The following SND1 variants were observed in gnomAD, a reference collection of about 807,000 sequenced individuals.
SND1 encodes staphylococcal nuclease and tudor domain containing 1.
Under a neutral mutation model 121.7 loss-of-function variants are expected in SND1, and 38 were observed. The observed-to-expected ratio is 0.31, with a 90% CI of 0.24 to 0.41. The LOEUF (loss-of-function observed/expected upper bound fraction) is 0.41, where lower values mean the gene tolerates loss of function less well. Among genes scored for constraint, SND1 ranks in the 10% least tolerant of loss-of-function variants. The pLI, the probability that SND1 is intolerant of heterozygous loss-of-function variation, is 1.00. For missense variants in SND1, 868 were observed against 1,184.6 expected (o/e 0.73, Z 3.92); for synonymous variants, 401 against 447.4 (o/e 0.90, Z 1.31).
At chr7:127,652,493 G>A (rs779250702) in intron 1 of SND1, 42 bp downstream of exon 1, 15 of 1,497,848 alleles carry the variant, frequency 1.0e-5, no homozygotes, top group Non-Finnish European at 1.1e-5. Context: ...GCCTGCCTTC[G>A]GGCGGGAGTC....
intron 1 of SND1, among the ~76,000 whole-genome samples, chr7:127,671,903 A>G (rs1205718315): frequency 6.6e-6 from 1 of 152,214 alleles, no homozygotes; most frequent in Non-Finnish European, 1.5e-5. Flanking sequence ...AAACAGTAGC[A>G]CTAAAATGTA....
intron 10 of SND1, among the ~76,000 whole-genome samples, chr7:127,735,602 A>G (rs1403017346): frequency 6.6e-6 from 1 of 152,154 alleles, no homozygotes; most frequent in Non-Finnish European, 1.5e-5. Context: ...TAACTTTTCT[A>G]AAGGGTGACC....
chr7:127,989,519 C>T (rs1467569019), intron 15 of SND1, among the ~76,000 whole-genome samples: 1 of 152,166 alleles, frequency 6.6e-6, no homozygotes, highest in Non-Finnish European at 1.5e-5. Context: ...ATCCTAGCAA[C>T]AGTGGGACCT....
intron 16 of SND1, chr7:127,997,460 C>T: frequency 3.0e-6 from 1 of 335,874 alleles, no homozygotes; most frequent in Non-Finnish European, 5.9e-6. Flanking sequence ...ATTTACTCTG[C>T]TCTTCCCACA....
chr7:127,994,104 A>G (rs1009599153), intron 16 of SND1, among the ~76,000 whole-genome samples: 1 of 152,054 alleles, frequency 6.6e-6, no homozygotes, highest in Non-Finnish European at 1.5e-5. Flanking sequence ...TTTCCATCTC[A>G]TATCTTCATG....
chr7:128,030,769 TAG>T (rs1422359333), intron 16 of SND1: 4 of 1,214,538 alleles, frequency 3.3e-6, no homozygotes, highest in African/African-American at 1.5e-5. Context: ...AGGGGGCGAT[TAG>T]AGAGACGGAG....
In SND1 at chr7:127,705,582, C is replaced by CAGATGT. The variant is rs869192058; in HGVS notation, c.947+688_947+693dup. On this transcript the variant is annotated intron_variant, in intron 8 of 23. Transcript: ENST00000354725. ...AACTGTCAGCGTCAAGATGTAGATGCAGATGTAGATGTAGATGTAGATGTA... is the reference window on the plus strand; with the variant it reads ...AACTGTCAGCGTCAAGATGTAGATGCAGATGTAGATGTAGATGTAGATGTAGATGTA... Among the ~76,000 whole-genome samples the CAGATGT allele has an allele frequency of 1.5e-3, 28 of 18,470 alleles. No individual in the cohort carries two copies. The East Asian group carries it at 0.044, about 29-fold the overall frequency. 12.1% of individuals were successfully genotyped at this position (18,470 alleles called of 152,430 possible).
At chr7:128,014,129 T>C (rs188497918) in intron 16 of SND1, among the ~76,000 whole-genome samples, 1 of 152,266 alleles carries the variant, frequency 6.6e-6, no homozygotes, top group East Asian at 1.9e-4. Context: ...TGGAAGTTAC[T>C]CCTCCTGAAC....
At chr7:127,922,193 T>TTTTTTG (rs1800728459) in intron 14 of SND1, among the ~76,000 whole-genome samples, 4 of 112,398 alleles carry the variant, frequency 3.6e-5, no homozygotes, top group Non-Finnish European at 7.5e-5. Context: ...TTTTTTTTTT[T>TTTTTTG]TTTTTTTTTT....
At chr7:127,814,201 G>A (rs754729823) in intron 11 of SND1, among the ~76,000 whole-genome samples, 9 of 152,184 alleles carry the variant, frequency 5.9e-5, no homozygotes, top group African/African-American at 1.4e-4. Flanking sequence ...CTGAAATGTC[G>A]TCCTTGGGGC....
At chr7:128,030,679 T>A in intron 16 of SND1, 1 of 1,523,506 alleles carries the variant, frequency 6.6e-7, no homozygotes, top group Middle Eastern at 1.8e-4. Flanking sequence ...CCTGGGATTT[T>A]GGCTCGGAAA....
chr7:127,881,597 T>G (rs1216025183), intron 12 of SND1, among the ~76,000 whole-genome samples: 1 of 152,182 alleles, frequency 6.6e-6, no homozygotes, highest in African/African-American at 2.4e-5. Flanking sequence ...CGTTGAAATA[T>G]GCATTACCTT....
At position 128,087,330 on chromosome 7, in the gene SND1, G is replaced by A. The variant is rs114077424; in HGVS notation, c.2418+279G>A. On this transcript the variant is annotated intron_variant, in intron 21 of 23. Coordinates refer to ENST00000354725, the MANE Select transcript of SND1 (RefSeq NM_014390.4). ...TTGGGCAGTGGCAGGAGGTGATCAG[G>A]CAGTGGCAGGAGGTGAGGTGGGAAA... Among the ~76,000 whole-genome samples, 605 of 152,234 alleles carry A rather than the reference G, an allele frequency of 4.0e-3. 3 individuals are homozygous for A. The highest frequency in any genetic ancestry group is 0.011 in the African/African-American group (456 of 41,520).
At chr7:128,031,044 AGAGGGGAGGGGAGGG>A (rs891308260) in intron 16 of SND1, 3 of 64,706 alleles carry the variant, frequency 4.6e-5, no homozygotes, top group African/African-American at 1.1e-4. Flanking sequence ...CGGGGAGGGC[AGAGGGGAGGGGAGGG>A]GAGGGGAGGG....
intron 11 of SND1, among the ~76,000 whole-genome samples, chr7:127,808,219 G>A (rs1798274182): frequency 6.8e-6 from 1 of 147,664 alleles, no homozygotes; most frequent in East Asian, 2.0e-4. Context: ...CTGGAGTGCA[G>A]AGGTGTGATC....
intron 10 of SND1, among the ~76,000 whole-genome samples, chr7:127,737,404 A>T (rs1796796331): frequency 6.6e-6 from 1 of 152,366 alleles, no homozygotes; most frequent in Admixed American, 6.5e-5. Context: ...GCGAAACGCC[A>T]TCTCTACTGA....
At position 128,049,793 on chromosome 7, in the gene SND1, T is replaced by A. The variant is rs1793015761; in HGVS notation, c.1780-24709T>A. 2.6e-5 allele frequency among the ~76,000 whole-genome samples: 4 copies of A among 152,088 alleles called. No individual in the cohort carries two copies. In the South Asian group the frequency reaches 8.3e-4, roughly 32 times the overall value. On this transcript the variant is annotated intron_variant, in intron 16 of 23. Coordinates refer to ENST00000354725, the MANE Select transcript of SND1 (RefSeq NM_014390.4). ...TTATGGGAAGAAATTGGCTAGAGTG[T>A]CCCAGCAACGTATGCAGGAGAGGAT...
chr7:127,860,815 T>C (rs1799363671), intron 12 of SND1, among the ~76,000 whole-genome samples: 2 of 152,282 alleles, frequency 1.3e-5, no homozygotes, highest in Middle Eastern at 3.4e-3. Flanking sequence ...AATAAATATT[T>C]GGGGTGATGA....
At chr7:127,816,594 C>T (rs902956790) in intron 11 of SND1, among the ~76,000 whole-genome samples, 2 of 151,576 alleles carry the variant, frequency 1.3e-5, no homozygotes, top group Non-Finnish European at 2.9e-5. Context: ...TGTGTAAACA[C>T]TTGCTATGTT....
Sources: allele counts gnomAD v4.1 joint callset (sites outside exome capture counted in the v4.1 genomes callset), GRCh38; gene constraint gnomAD v4.1.1; transcripts MANE v1.5; gene names NCBI Gene and HGNC (gene_info 2026-07-23, HGNC 2026-07-21).